Variants in C2CD2 observed in about 807,000 individuals in gnomAD.
C2CD2 encodes the protein C2 calcium dependent domain containing 2.
C2CD2 carries 43 observed loss-of-function variants against 74.3 expected under a neutral mutation model. The observed-to-expected ratio is 0.58, with a 90% CI of 0.45 to 0.75. The LOEUF is 0.75. Among genes scored for constraint, C2CD2 ranks in the 30% least tolerant of loss-of-function variants. The probability of loss-of-function intolerance (pLI) is 0.00; values close to 1 mark genes in which losing one functional copy is unlikely to be tolerated. For synonymous variants in C2CD2, 422 were observed against 390.7 expected (o/e 1.08, Z -0.94); for missense variants, 801 against 916.3 (o/e 0.87, Z 1.63).
chr21:41,907,374 G>A (rs2064975501), intron 9 of C2CD2, among the ~76,000 whole-genome samples: 1 of 152,214 alleles, frequency 6.6e-6, no homozygotes, highest in Admixed American at 6.5e-5. Context: ...GATGGCAACA[G>A]AATAGAAGCT....
chr21:41,922,032 C>T lies in C2CD2; in HGVS notation c.432G>A (p.Thr144=), dbSNP rs755970847. 1.5e-5 allele frequency: 25 copies of T among 1,613,990 alleles called. No homozygotes were observed. The highest frequency in any genetic ancestry group is 1.5e-4 in the African/African-American group (11 of 74,932). The stretch of plus-strand genomic sequence containing the variant: ...GCCGGCATCCAGCACCCAAGGCAGG[C>T]GTCTCGCTGACCAAGAACTGAATAG... ...GQAIQFLVSE[T]PALGAGCRLY... The change falls in exon 3 of 14, where the codon ACG becomes ACA. Residue 144 remains threonine (T), a synonymous_variant. Coordinates refer to ENST00000380486, the MANE Select transcript of C2CD2 (RefSeq NM_015500.2).
chr21:41,913,916 A>G (rs2065056989), intron 6 of C2CD2, among the ~76,000 whole-genome samples: 1 of 152,172 alleles, frequency 6.6e-6, no homozygotes, highest in Non-Finnish European at 1.5e-5. Flanking sequence ...GGCCGAAGCC[A>G]TCTGATGCCC....
At chr21:41,890,295 A>G (rs981891943) in intron 13 of C2CD2, among the ~76,000 whole-genome samples, 7 of 152,218 alleles carry the variant, frequency 4.6e-5, no homozygotes, top group African/African-American at 1.7e-4. Flanking sequence ...GTATCTGCTT[A>G]CAGATAGATA....
rs2065359721 is a variant in C2CD2 at position 41,942,134 on chromosome 21, C to T, written c.378+13G>A. The T allele has an allele frequency of 1.9e-6, 3 of 1,549,062 alleles. No individual in the cohort carries two copies. Among genetic ancestry groups the T allele is most frequent in the Non-Finnish European group, 8.7e-7 (1 of 1,146,696 alleles). ...TTCACCTCTTCCTGCAGGGAATGGG[C>T]TCCTGGGCTCACCTTCTCCTCCGCC... On this transcript the variant is annotated intron_variant, in intron 2 of 13. Coordinates refer to ENST00000380486, the MANE Select transcript of C2CD2 (RefSeq NM_015500.2).
intron 2 of C2CD2, among the ~76,000 whole-genome samples, chr21:41,933,245 T>G (rs934505452): frequency 6.9e-6 from 1 of 145,236 alleles, no homozygotes; most frequent in African/African-American, 2.5e-5. Context: ...TCACAGGTCC[T>G]CAAGTTCTGT....
intron 1 of C2CD2, among the ~76,000 whole-genome samples, chr21:41,949,799 T>G (rs1237178965): frequency 6.6e-6 from 1 of 152,186 alleles, no homozygotes; most frequent in Non-Finnish European, 1.5e-5. Flanking sequence ...CATGGAATAC[T>G]ATGCAGCCAT....
In C2CD2 at chr21:41,899,273, A is replaced by G; in HGVS notation, c.1650T>C (p.His550=). The G allele has an allele frequency of 6.2e-7, 1 of 1,611,664 alleles. No homozygotes were observed. Among genetic ancestry groups the G allele is most frequent in the Non-Finnish European group, 8.5e-7 (1 of 1,179,806 alleles). The change falls in exon 13 of 14, where the codon CAT becomes CAC. Residue 550 remains histidine (H), a synonymous_variant. Coordinates refer to ENST00000380486, the MANE Select transcript of C2CD2 (RefSeq NM_015500.2). This position sits in a 1 kb window ranked among gnomAD's most constrained non-coding sequence, Gnocchi z 4.4. ...DSTHQEDAPS[H]PERAAASAPP... ...GGGCAGAGGCTGCCGCCCTCTCCGG[A>G]TGGGATGGGGCGTCCTCCTGGTGGG...
intron 13 of C2CD2, 57 bp downstream of exon 13, chr21:41,898,996 C>G (rs891250378): frequency 2.3e-6 from 3 of 1,331,902 alleles, no homozygotes; most frequent in Non-Finnish European, 3.2e-6. Flanking sequence ...TGGAAGCCAG[C>G]ATGAGCGCAA....
At chr21:41,933,880 C>T (rs1026983759) in intron 2 of C2CD2, among the ~76,000 whole-genome samples, 1 of 152,198 alleles carries the variant, frequency 6.6e-6, no homozygotes, top group Non-Finnish European at 1.5e-5. Flanking sequence ...GGGCTCCTTT[C>T]CTCATTTGGC....
intron 13 of C2CD2, among the ~76,000 whole-genome samples, chr21:41,893,459 T>C (rs1018381837): frequency 4.6e-5 from 7 of 152,184 alleles, no homozygotes; most frequent in African/African-American, 1.4e-4. Context: ...AGCCTGCATG[T>C]AAAAAGATGG....
In C2CD2 at chr21:41,885,853, G is replaced by A. The variant is rs1386156228; in HGVS notation, c.*3271C>T. 4 of 152,362 alleles carry A rather than the reference G, an allele frequency of 2.6e-5. No individual in the cohort carries two copies. Among genetic ancestry groups the A allele is most frequent in the African/African-American group, 4.8e-5 (2 of 41,436 alleles). The allele number at this position is 152,362 out of a possible 1,614,324, so 9.4% of individuals were successfully genotyped here. A position where few individuals can be genotyped will look rare whatever the true frequency, so the allele number is the denominator to read the frequency against. On this transcript the variant is annotated 3_prime_UTR_variant, in exon 14 of 14. Transcript: ENST00000380486. The stretch of plus-strand genomic sequence containing the variant: ...GGGCACCAGGTGGCCACTGAGTGGC[G>A]ACTGGTCGAGTAGCAGTTGGTCATA...
chr21:41,928,248 G>A (rs550731912), intron 2 of C2CD2, among the ~76,000 whole-genome samples: 4 of 152,108 alleles, frequency 2.6e-5, no homozygotes, highest in Non-Finnish European at 4.4e-5. Context: ...ACGAAACCTC[G>A]GGGCCACCAC....
chr21:41,949,424 A>G (rs2065431845), intron 1 of C2CD2, among the ~76,000 whole-genome samples: 1 of 152,222 alleles, frequency 6.6e-6, no homozygotes, highest in Admixed American at 6.5e-5. Context: ...GAGTGATCAC[A>G]TCAATGGGAA....
In C2CD2 at chr21:41,924,881, G is replaced by A. The variant is rs913791797; in HGVS notation, c.379-2796C>T. Among the ~76,000 whole-genome samples, 3 of 151,928 alleles carry A rather than the reference G, an allele frequency of 2.0e-5. No homozygotes were observed. The highest frequency in any genetic ancestry group is 4.8e-5 in the African/African-American group (2 of 41,364). On this transcript the variant is annotated intron_variant, in intron 2 of 13. Coordinates refer to ENST00000380486, the MANE Select transcript of C2CD2 (RefSeq NM_015500.2). This position sits in a 1 kb window ranked among gnomAD's most constrained non-coding sequence, Gnocchi z 4.4. ...AGTTCTGCAGAAAGCTTCCCACCAC[G>A]CACTCCCTGATACACAGAGAACCAA...
chr21:41,934,041 T>C (rs1324363173), intron 2 of C2CD2, among the ~76,000 whole-genome samples: 1 of 151,856 alleles, frequency 6.6e-6, no homozygotes. Context: ...AGGAGATAGA[T>C]GGTTAAAAAA....
rs571341303 is a variant in C2CD2 at position 41,929,019 on chromosome 21, G to T, written c.379-6934C>A. Among the ~76,000 whole-genome samples, 1 of 151,812 alleles carries T rather than the reference G, an allele frequency of 6.6e-6. No homozygotes were observed. The highest frequency in any genetic ancestry group is 1.5e-5 in the Non-Finnish European group (1 of 67,996). On this transcript the variant is annotated intron_variant, in intron 2 of 13. Coordinates refer to ENST00000380486, the MANE Select transcript of C2CD2 (RefSeq NM_015500.2). This position sits in a 1 kb window ranked among gnomAD's most constrained non-coding sequence, Gnocchi z 4.6. ...AATCTCAGCACTTTGGGAGGCCAAG[G>T]CAAGAGGATCACTTGAGTCCATGAG...
chr21:41,942,480 AGG>A (rs1443954930), intron 1 of C2CD2, among the ~76,000 whole-genome samples: 1 of 152,222 alleles, frequency 6.6e-6, no homozygotes, highest in Admixed American at 6.5e-5. Flanking sequence ...AGGCTGGGAA[AGG>A]ACAGGAACCC....
rs1483399840 is a variant in C2CD2, at chr21:41,889,240, G to A, written c.1975C>T (p.Pro659Ser). 1 of 1,613,892 alleles carries A rather than the reference G, an allele frequency of 6.2e-7. No homozygotes were observed. Among genetic ancestry groups the A allele is most frequent in the African/African-American group, 1.3e-5 (1 of 75,036 alleles). Residue 659 changes from proline to serine, a missense_variant, in exon 14 of 14, where the codon CCA becomes TCA. Coordinates refer to ENST00000380486, the MANE Select transcript of C2CD2 (RefSeq NM_015500.2). The part of the protein sequence containing the change: ...SHNDLVFLEQ[P>S]EGSRRKGITL... Reference sequence around the variant, plus strand: ...ATGCCTTTCCTCCGGGAACCCTCTGGCTGCTCCAGGAACACAAGGTCATTG... The same window carrying A: ...ATGCCTTTCCTCCGGGAACCCTCTGACTGCTCCAGGAACACAAGGTCATTG...
chr21:41,939,929 CAG>C lies in C2CD2; in HGVS notation c.378+2216_378+2217del, dbSNP rs973675072. Among the ~76,000 whole-genome samples the C allele has an allele frequency of 7.2e-5, 11 of 152,210 alleles. No homozygotes were observed. The highest frequency in any genetic ancestry group is 2.7e-4 in the African/African-American group (11 of 41,460). ...GTCTGAGGAGTCGGGAGGCGGTGAACAGACACAATCGCTGCAGCACTGTCTGT... is the reference window on the plus strand; with the variant it reads ...GTCTGAGGAGTCGGGAGGCGGTGAACACACAATCGCTGCAGCACTGTCTGT... On this transcript the variant is annotated intron_variant, in intron 2 of 13. Transcript: ENST00000380486. This position sits in a 1 kb window ranked among gnomAD's most constrained non-coding sequence, Gnocchi z 5.5.
Sources: allele counts gnomAD v4.1 joint callset (sites outside exome capture counted in the v4.1 genomes callset), GRCh38; gene constraint gnomAD v4.1.1; non-coding constraint Gnocchi (gnomAD v3.1); transcripts MANE v1.5; gene names NCBI Gene and HGNC (gene_info 2026-07-23, HGNC 2026-07-21).